Variants in SEC14L5 observed in about 807,000 individuals in gnomAD.
The protein encoded by SEC14L5 is SEC14 like lipid binding 5, also known as SEC14-like protein 5.
A neutral mutation model predicts 84.6 loss-of-function variants in SEC14L5; 96 were observed. The ratio of observed to expected loss-of-function variants is 1.13; its 90% CI spans 0.96 to 1.34. SEC14L5 has a LOEUF of 1.34. SEC14L5 is among the 40% of genes most tolerant of loss of function. SEC14L5 has a pLI of 0.00. For synonymous variants in SEC14L5, 546 were observed against 383.4 expected, an observed-to-expected ratio of 1.42 and a Z score of -4.95; for missense variants, 1,224 against 942.5, an observed-to-expected ratio of 1.30 and a Z score of -3.91.
chr16:4,992,135 C>T (rs548934292), intron 6 of SEC14L5, 105 bp downstream of exon 6: 1 of 768,724 alleles, frequency 1.3e-6, no homozygotes, highest in Non-Finnish European at 2.0e-6. Context: ...TGCCGTCCCC[C>T]CTGGGAATGG....
chr16:5,008,407 C>G lies in SEC14L5; in HGVS notation c.1573-14C>G. ...CTCGGCCGTGACTCTCAGACCTCGC[C>G]TGTCTCCACACAGGTGGCCGTGGAG... On this transcript the variant is annotated splice_polypyrimidine_tract_variant and intron_variant, in intron 13 of 15. Coordinates refer to ENST00000251170, the MANE Select transcript of SEC14L5 (RefSeq NM_014692.2). 4 of 1,594,988 alleles carry G rather than the reference C, an allele frequency of 2.5e-6. No homozygotes were observed. The highest frequency in any genetic ancestry group is 3.4e-6 in the Non-Finnish European group (4 of 1,166,582).
At chr16:4,997,388 C>G (rs1223777408) in intron 8 of SEC14L5, among the ~76,000 whole-genome samples, 1 of 152,232 alleles carries the variant, frequency 6.6e-6, no homozygotes, top group African/African-American at 2.4e-5. Flanking sequence ...GCATGAGCCA[C>G]CGCACCCGGC....
Position 5,012,932 on chromosome 16 carries a change from G to A in SEC14L5, c.1979+1659G>A, listed in dbSNP as rs1440197541. On this transcript the variant is annotated intron_variant, in intron 15 of 15. Coordinates refer to ENST00000251170, the MANE Select transcript of SEC14L5 (RefSeq NM_014692.2). ...AAAAAAAAAAACCTACCTGAGACTG[G>A]GTAATTTATAAAGAAAGGAGGTTTA... 4.2e-4 allele frequency among the ~76,000 whole-genome samples: 60 copies of A among 143,548 alleles called. 2 individuals are homozygous for A. The Admixed American group carries it at 4.4e-3, about 11-fold the overall frequency. 94.2% of individuals were successfully genotyped at this position (143,548 alleles called of 152,430 possible).
intron 13 of SEC14L5, among the ~76,000 whole-genome samples, chr16:5,008,032 C>T (rs549004920): frequency 7.2e-5 from 11 of 151,880 alleles, no homozygotes; most frequent in African/African-American, 1.7e-4. Context: ...CTCAGCCTCC[C>T]GAGTAGCTGG....
chr16:4,994,613 A>C (rs1410207235), intron 6 of SEC14L5, among the ~76,000 whole-genome samples: 1 of 152,006 alleles, frequency 6.6e-6, no homozygotes, highest in Admixed American at 6.6e-5. Flanking sequence ...CAAAGTGCTG[A>C]AATTACATGC....
intron 2 of SEC14L5, among the ~76,000 whole-genome samples, chr16:4,961,302 C>CA (rs34184425): frequency 0.26 from 39,219 of 152,076 alleles, 5,250 homozygotes; most frequent in Admixed American, 0.35. Flanking sequence ...ACAACAACAA[C>CA]AAAGTTGCTG....
chr16:5,011,158 A>C lies in SEC14L5; in HGVS notation c.1864A>C (p.Ser622Arg). The C allele has an allele frequency of 6.2e-7, 1 of 1,612,894 alleles. No individual in the cohort carries two copies. Among genetic ancestry groups the C allele is most frequent in the Non-Finnish European group, 8.5e-7 (1 of 1,179,506 alleles). Residue 622 changes from serine to arginine, a missense_variant, in exon 15 of 16, where the codon AGC becomes CGC. Physicochemically the swap from Ser to Arg is moderately radical, Grantham distance 110. Transcript: ENST00000251170. ...CCAGTGGCAAATGCACAGCCCCCCC[A>C]GCAGCGTGGCCTGCAGCCTCCCGGG... is the stretch of plus-strand genomic sequence containing the variant. ...LLQWQMHSPP[S>R]SVACSLPGVD...
intron 2 of SEC14L5, among the ~76,000 whole-genome samples, chr16:4,968,638 A>T (rs1434399743): frequency 6.6e-6 from 1 of 152,126 alleles, no homozygotes; most frequent in African/African-American, 2.4e-5. Flanking sequence ...CTTTCCATAA[A>T]CATTTGTGCA....
At position 5,015,804 on chromosome 16, in the gene SEC14L5, A is replaced by G. The variant is rs1298842678; in HGVS notation, c.*834A>G. On this transcript the variant is annotated 3_prime_UTR_variant, in exon 16 of 16. Coordinates refer to ENST00000251170, the MANE Select transcript of SEC14L5 (RefSeq NM_014692.2). ...ACAGGCGCTGCTCTTTGTGGGGAAC[A>G]GCACATCCTGAAGTGAAAATCCATG... 1 of 152,298 alleles carries G rather than the reference A, an allele frequency of 6.6e-6. No individual in the cohort carries two copies. The highest frequency in any genetic ancestry group is 1.5e-5 in the Non-Finnish European group (1 of 68,070). 9.4% of individuals were successfully genotyped at this position (152,298 alleles called of 1,614,324 possible).
At chr16:5,007,848 C>T (rs558545761) in intron 13 of SEC14L5, among the ~76,000 whole-genome samples, 5 of 151,240 alleles carry the variant, frequency 3.3e-5, no homozygotes, top group South Asian at 2.1e-4. Context: ...TCAGGTGATC[C>T]GCCCGCCTAG....
At chr16:4,995,133 G>T (rs1424607892) in intron 6 of SEC14L5, among the ~76,000 whole-genome samples, 1 of 152,188 alleles carries the variant, frequency 6.6e-6, no homozygotes, top group Admixed American at 6.6e-5. Context: ...TGTTTTGGGG[G>T]TGCTGCTGGC....
intron 4 of SEC14L5, among the ~76,000 whole-genome samples, chr16:4,989,750 A>T (rs938942869): frequency 6.6e-6 from 1 of 152,166 alleles, no homozygotes. Context: ...CAGTTGTTGA[A>T]ACCCCTCTTA....
intron 14 of SEC14L5, among the ~76,000 whole-genome samples, chr16:5,009,358 CTT>C (rs773176422): frequency 7.9e-5 from 12 of 152,040 alleles, no homozygotes; most frequent in Non-Finnish European, 1.8e-4. Flanking sequence ...GATCAGGAAA[CTT>C]TTGCGGGACT....
chr16:4,988,863 C>G (rs1955523732), intron 4 of SEC14L5, among the ~76,000 whole-genome samples: 1 of 152,254 alleles, frequency 6.6e-6, no homozygotes, highest in African/African-American at 2.4e-5. Context: ...ACCAGGCTGC[C>G]TGACCACTGC....
At chr16:4,971,058 T>C (rs888742291) in intron 2 of SEC14L5, among the ~76,000 whole-genome samples, 5 of 149,560 alleles carry the variant, frequency 3.3e-5, no homozygotes, top group East Asian at 2.0e-4. Flanking sequence ...AGAGCCGAGA[T>C]TGCACCACTG....
chr16:5,013,418 G>A (rs1338300500), intron 15 of SEC14L5, among the ~76,000 whole-genome samples: 3 of 151,864 alleles, frequency 2.0e-5, no homozygotes, highest in African/African-American at 4.8e-5. Flanking sequence ...ACAGAGTCTC[G>A]CTCTGTTACC....
intron 2 of SEC14L5, among the ~76,000 whole-genome samples, chr16:4,964,823 C>A (rs2142472344): frequency 6.6e-6 from 1 of 152,090 alleles, no homozygotes; most frequent in East Asian, 2.0e-4. Flanking sequence ...CTTTGTCTCC[C>A]AGGCTGAAGA....
At chr16:4,998,094 C>T (rs908183742) in intron 8 of SEC14L5, among the ~76,000 whole-genome samples, 4 of 151,472 alleles carry the variant, frequency 2.6e-5, no homozygotes, top group Non-Finnish European at 4.4e-5. Context: ...ACTCCGCCCC[C>T]CGCCAGGTTC....
rs60494025 is a variant in SEC14L5 at position 4,998,737 on chromosome 16, C to CAA, written c.970+1721_970+1722dup. On this transcript the variant is annotated intron_variant, in intron 8 of 15. Transcript: ENST00000251170. ...TGGGCGACAGAGCGAGACTCCGTCT[C>CAA]AAAAAAAAAAAAAAAAAAAAAAAAA... 1.3e-4 allele frequency among the ~76,000 whole-genome samples: 12 copies of CAA among 94,042 alleles called. 1 individual carries two copies. Among genetic ancestry groups the CAA allele is most frequent in the African/African-American group, 3.9e-4 (8 of 20,674 alleles). 61.7% of individuals were successfully genotyped at this position (94,042 alleles called of 152,430 possible). A position where few individuals can be genotyped will look rare whatever the true frequency, so the allele number is the denominator to read the frequency against.
Sources: gnomAD v4.1 joint callset for allele counts (sites outside exome capture counted in the v4.1 genomes callset) on GRCh38, gnomAD v4.1.1 for gene constraint, MANE v1.5 for transcripts, NCBI Gene and HGNC (gene_info 2026-07-23, HGNC 2026-07-21) for gene names.